The following GREB1L variants were observed in gnomAD, a reference collection of about 807,000 sequenced individuals.
The protein encoded by GREB1L is GREB1-like protein.
GREB1L carries 17 observed loss-of-function variants against 200.8 expected under a neutral mutation model. The observed-to-expected ratio is 0.08, with a 90% CI of 0.06 to 0.13. The LOEUF (loss-of-function observed/expected upper bound fraction) is 0.13, where lower values mean the gene tolerates loss of function less well. GREB1L is among the 10% of genes least tolerant of loss of function. GREB1L has a pLI of 1.00. For synonymous variants in GREB1L, 789 were observed against 893.0 expected (o/e 0.88, Z 2.08); for missense variants, 1,657 against 2,367.7 (o/e 0.70, Z 6.23).
intron 21 of GREB1L, among the ~76,000 whole-genome samples, chr18:21,497,915 A>G (rs1188843211): frequency 1.5e-5 from 2 of 137,682 alleles, no homozygotes; most frequent in African/African-American, 5.4e-5. Flanking sequence ...TCCAGCTCCC[A>G]GGTTCAAGCG....
chr18:21,357,285 C>A (rs1219215963), intron 1 of GREB1L, among the ~76,000 whole-genome samples: 1 of 152,214 alleles, frequency 6.6e-6, no homozygotes, highest in Non-Finnish European at 1.5e-5. Context: ...ATCTCCTGAC[C>A]TCGTGATCCG....
At position 21,506,275 on chromosome 18, in the gene GREB1L, A is replaced by G. The variant is rs1258299761; in HGVS notation, c.4368+326A>G. Reference sequence around the variant, plus strand: ...CCGGGTGTGGTGGCACATGCCTGTAATCCCAGCTACTCAGGAGGCTGAGGC... The same window carrying G: ...CCGGGTGTGGTGGCACATGCCTGTAGTCCCAGCTACTCAGGAGGCTGAGGC... On this transcript the variant is annotated intron_variant, in intron 25 of 32. Coordinates refer to ENST00000424526, the MANE Select transcript of GREB1L (RefSeq NM_001142966.3). 2.0e-5 allele frequency among the ~76,000 whole-genome samples: 3 copies of G among 152,158 alleles called. No individual in the cohort carries two copies. The South Asian group carries it at 6.2e-4, about 32-fold the overall frequency.
At chr18:21,252,868 C>G (rs1477557479) in intron 1 of GREB1L, among the ~76,000 whole-genome samples, 4 of 152,038 alleles carry the variant, frequency 2.6e-5, no homozygotes, top group Admixed American at 2.6e-4. Context: ...CCCCACCCCC[C>G]AAAAAAGAAA....
chr18:21,290,651 C>T (rs946400900), intron 1 of GREB1L, among the ~76,000 whole-genome samples: 50 of 151,920 alleles, frequency 3.3e-4, no homozygotes, highest in African/African-American at 7.3e-5. Context: ...GGCGAAGGCC[C>T]GTCTCTACTA....
At chr18:21,406,875 C>CTTTT (rs369137235) in intron 7 of GREB1L, among the ~76,000 whole-genome samples, 5 of 131,920 alleles carry the variant, frequency 3.8e-5, no homozygotes, top group East Asian at 2.2e-4. Context: ...CATTTTCTTC[C>CTTTT]TTTTTTTTTT....
At chr18:21,360,426 A>G (rs2143530955) in intron 1 of GREB1L, among the ~76,000 whole-genome samples, 1 of 152,076 alleles carries the variant, frequency 6.6e-6, no homozygotes, top group Admixed American at 6.5e-5. Context: ...GCGTTTCGCC[A>G]TGTTGGCCAG....
chr18:21,328,235 A>G (rs1339364594), intron 1 of GREB1L, among the ~76,000 whole-genome samples: 1 of 151,900 alleles, frequency 6.6e-6, no homozygotes, highest in Admixed American at 6.6e-5. Flanking sequence ...TGAGAGCCCT[A>G]ATCACACTGG....
chr18:21,377,870 A>G (rs1054834416), intron 2 of GREB1L, among the ~76,000 whole-genome samples: 5 of 151,872 alleles, frequency 3.3e-5, no homozygotes, highest in Non-Finnish European at 7.4e-5. Flanking sequence ...GGGTAGCGCT[A>G]TTGCACTCCA....
chr18:21,266,675 G>C (rs1163213670), intron 1 of GREB1L, among the ~76,000 whole-genome samples: 1 of 152,222 alleles, frequency 6.6e-6, no homozygotes, highest in Non-Finnish European at 1.5e-5. Context: ...TAATAAGTGA[G>C]AGAGTTTTGG....
intron 1 of GREB1L, among the ~76,000 whole-genome samples, chr18:21,313,385 G>C (rs764680799): frequency 4.6e-5 from 7 of 152,102 alleles, no homozygotes; most frequent in Non-Finnish European, 1.0e-4. Context: ...CTTACTAAAA[G>C]CCAATTATTG....
intron 1 of GREB1L, among the ~76,000 whole-genome samples, chr18:21,349,601 A>G (rs2039403853): frequency 6.6e-6 from 1 of 152,100 alleles, no homozygotes; most frequent in Admixed American, 6.6e-5. Context: ...ACCTCCTGTC[A>G]GATCAGTGGC....
Position 21,496,518 on chromosome 18 carries a change from C to G in GREB1L, c.3211C>G (p.Gln1071Glu). ...SSYLTRTALE[Q>E]EVGLACCYVS... ...CTATTTAACTCGCACGGCCTTGGAG[C>G]AGGAGGTGGGTCTGGCATGCTGCTA... is the stretch of plus-strand genomic sequence containing the variant. The change falls in exon 21 of 33, where the codon CAG (glutamine) becomes GAG (glutamate). Residue 1071 changes from glutamine to glutamate, a missense_variant. By Grantham distance (29) the Gln-to-Glu change is conservative (BLOSUM62 2). This residue lies in a region of GREB1L where 512 missense variants were observed against 668.3 expected (regional missense o/e 0.77). Coordinates refer to ENST00000424526, the MANE Select transcript of GREB1L (RefSeq NM_001142966.3). 6.4e-7 allele frequency: 1 copy of G among 1,551,680 alleles called. No individual in the cohort carries two copies. The highest frequency in any genetic ancestry group is 8.7e-7 in the Non-Finnish European group (1 of 1,146,990).
At chr18:21,317,266 A>T (rs1444049023) in intron 1 of GREB1L, among the ~76,000 whole-genome samples, 2 of 151,706 alleles carry the variant, frequency 1.3e-5, no homozygotes, top group Non-Finnish European at 2.9e-5. Flanking sequence ...ATCTAAAGTT[A>T]TACAATGTTA....
intron 1 of GREB1L, among the ~76,000 whole-genome samples, chr18:21,258,347 T>TC (rs148197553): frequency 1.3e-5 from 2 of 152,186 alleles, no homozygotes; most frequent in Non-Finnish European, 2.9e-5. Context: ...AAGTGCTTTG[T>TC]CCCTTTTGCT....
intron 1 of GREB1L, among the ~76,000 whole-genome samples, chr18:21,315,951 C>G (rs140636708): frequency 2.6e-4 from 40 of 152,294 alleles, no homozygotes; most frequent in African/African-American, 5.8e-4. Flanking sequence ...GACCCTCCCC[C>G]CTGTGGGCCT....
intron 7 of GREB1L, among the ~76,000 whole-genome samples, chr18:21,409,118 A>C (rs2144661376): frequency 6.6e-6 from 1 of 152,362 alleles, no homozygotes; most frequent in African/African-American, 2.4e-5. Flanking sequence ...AGCTAGCAAC[A>C]ACCTAAATGT....
chr18:21,307,040 T>C (rs974386776), intron 1 of GREB1L, among the ~76,000 whole-genome samples: 2 of 152,242 alleles, frequency 1.3e-5, no homozygotes, highest in Non-Finnish European at 2.9e-5. Flanking sequence ...ATGTTTTCCT[T>C]TCTACATTCT....
At chr18:21,289,396 A>G (rs530970535) in intron 1 of GREB1L, among the ~76,000 whole-genome samples, 3 of 151,694 alleles carry the variant, frequency 2.0e-5, no homozygotes, top group Non-Finnish European at 4.4e-5. Context: ...CCAAAAAAAC[A>G]TTTTTTTTAA....
chr18:21,276,712 C>T (rs571458577), intron 1 of GREB1L, among the ~76,000 whole-genome samples: 1 of 151,652 alleles, frequency 6.6e-6, no homozygotes, highest in Non-Finnish European at 1.5e-5. Flanking sequence ...AAAATGTTTT[C>T]TTTAGCTTAT....
Sources: gnomAD v4.1 joint callset for allele counts (sites outside exome capture counted in the v4.1 genomes callset) on GRCh38, gnomAD v4.1.1 for gene constraint, gnomAD v4.1.1 regional missense constraint, MANE v1.5 for transcripts, NCBI Gene and HGNC (gene_info 2026-07-23, HGNC 2026-07-21) for gene names.